PSD4: variants seen among roughly 807,000 people sequenced by gnomAD.
PSD4 encodes PH and SEC7 domain-containing protein 4.
PSD4 carries 59 observed loss-of-function variants against 112.5 expected under a neutral mutation model. That is an observed-to-expected ratio of 0.52 (90% CI 0.43 to 0.65). The LOEUF is 0.65. PSD4 is among the 30% of genes least tolerant of loss of function. The pLI is 0.00. For synonymous variants in PSD4, 533 were observed against 540.0 expected, an observed-to-expected ratio of 0.99 and a Z score of 0.18; for missense variants, 1,267 against 1,352.6, an observed-to-expected ratio of 0.94 and a Z score of 0.99.
rs78289635 is a variant in PSD4 at position 113,183,045 on chromosome 2, G to A, written c.589G>A (p.Gly197Arg). Residue 197 changes from glycine to arginine, a missense_variant, in exon 2 of 17, where the codon GGG (glycine) becomes AGG (arginine). Transcript: ENST00000245796. Reference protein sequence around the residue: ...CLPTPPVDLPGDTGLHSSPPE... With the variant: ...CLPTPPVDLPRDTGLHSSPPE... ...CCCCACGCCCCCTGTGGACCTCCCC[G>A]GGGACACGGGCCTGCACTCCAGCCC... 1.0e-4 allele frequency: 167 copies of A among 1,613,378 alleles called. 3 individuals are homozygous for A. In the East Asian group the frequency reaches 2.1e-3, roughly 20 times the overall value.
intron 16 of PSD4, 133 bp from the exon 17 acceptor site, chr2:113,201,021 CGGTT>C: frequency 9.0e-7 from 1 of 1,105,100 alleles, no homozygotes; most frequent in South Asian, 1.5e-5. Context: ...CTGACACTCA[CGGTT>C]GGTCCAGCCC....
At chr2:113,199,058 G>T in intron 15 of PSD4, 25 bp from the exon 16 acceptor site, 1 of 1,518,758 alleles carries the variant, frequency 6.6e-7, no homozygotes, top group Non-Finnish European at 8.8e-7. Flanking sequence ...CCGGGACAGC[G>T]CCCCTCACCG....
intron 6 of PSD4, 68 bp from the exon 7 acceptor site, chr2:113,192,980 G>A: frequency 2.7e-6 from 4 of 1,491,242 alleles, no homozygotes; most frequent in Non-Finnish European, 3.7e-6. Flanking sequence ...GGCCCTGGGG[G>A]CCCCAGTGCA....
chr2:113,193,949 G>A lies in PSD4; in HGVS notation c.2181+1G>A. The A allele has an allele frequency of 6.2e-7, 1 of 1,614,050 alleles. No homozygotes were observed. Among genetic ancestry groups the A allele is most frequent in the Non-Finnish European group, 8.5e-7 (1 of 1,179,928 alleles). On this transcript the variant is annotated splice_donor_variant, in intron 10 of 16. Transcript: ENST00000245796. LOFTEE classifies it high-confidence loss of function. ...GAACTTCCCCAAGGAGCTGCTGAAG[G>A]TATGTGCCACGGGGTCTTCTTATGA... is the stretch of plus-strand genomic sequence containing the variant.
intron 10 of PSD4, 103 bp from the exon 11 acceptor site, chr2:113,195,624 A>T: frequency 8.2e-7 from 1 of 1,224,290 alleles, no homozygotes; most frequent in Non-Finnish European, 1.2e-6. Context: ...TGGGTGGAGG[A>T]GGCAGGCTGT....
intron 10 of PSD4, 115 bp downstream of exon 10, chr2:113,194,063 C>G: frequency 1.0e-6 from 1 of 967,564 alleles, no homozygotes; most frequent in Non-Finnish European, 1.5e-6. Context: ...CTTGAGAGAA[C>G]AGGACTTGTT....
intron 1 of PSD4, among the ~76,000 whole-genome samples, chr2:113,175,702 CAG>C (rs1199905018): frequency 6.6e-6 from 1 of 152,176 alleles, no homozygotes; most frequent in Non-Finnish European, 1.5e-5. Flanking sequence ...AAAAGGGAAA[CAG>C]AGACAGGCAC....
Position 113,201,191 on chromosome 2 carries a change from G to T in PSD4, c.2947G>T (p.Val983Leu). 6.2e-7 allele frequency: 1 copy of T among 1,613,366 alleles called. No homozygotes were observed. Among genetic ancestry groups the T allele is most frequent in the Non-Finnish European group, 8.5e-7 (1 of 1,179,454 alleles). ...CTACGAGACCTACGTGCAGCTGCTG[G>T]TGGCCCGCCTGCACTGCCCCTCTGA... ...TRYETYVQLL[V>L]ARLHCPSDAL... is the part of the protein sequence containing the mutation. Residue 983 changes from valine to leucine, a missense_variant, in exon 17 of 17, where the codon GTG becomes TTG. Val to Leu is a conservative substitution (Grantham distance 32). This residue lies in a region of PSD4 where 544 missense variants were observed against 648.6 expected (regional missense o/e 0.84). Transcript: ENST00000245796.
Position 113,209,377 on chromosome 2 carries a change from A to G in PSD4, c.*7962A>G, listed in dbSNP as rs1688909696. ...GGAATATATTAATATTTAAAATAAA[A>G]TAAACAAAATGTCAGTGTGTGTGTG... On this transcript the variant is annotated 3_prime_UTR_variant, in exon 17 of 17. Coordinates refer to ENST00000245796, the MANE Select transcript of PSD4 (RefSeq NM_012455.3). 6.6e-6 allele frequency: 1 copy of G among 152,252 alleles called. No individual in the cohort carries two copies. The highest frequency in any genetic ancestry group is 1.5e-5 in the Non-Finnish European group (1 of 68,048). The allele number at this position is 152,252 out of a possible 1,614,324, so 9.4% of individuals were successfully genotyped here.
chr2:113,182,852 A>C lies in PSD4; in HGVS notation c.396A>C (p.Pro132=). The C allele has an allele frequency of 6.2e-7, 1 of 1,613,982 alleles. No individual in the cohort carries two copies. The highest frequency in any genetic ancestry group is 8.5e-7 in the Non-Finnish European group (1 of 1,179,886). The part of the protein sequence containing the change: ...QREHRQNTAS[P]GSPVNSHLPG... ...AGCACAGGCAGAACACAGCATCACC[A>C]GGGTCACCAGTGAACAGCCATCTAC... The change falls in exon 2 of 17, where the codon CCA becomes CCC. Residue 132 remains proline (P), a synonymous_variant. Coordinates refer to ENST00000245796, the MANE Select transcript of PSD4 (RefSeq NM_012455.3).
chr2:113,197,905 C>G lies in PSD4; in HGVS notation c.2616C>G (p.Phe872Leu), dbSNP rs1316192921. 1 of 1,582,392 alleles carries G rather than the reference C, an allele frequency of 6.3e-7. No individual in the cohort carries two copies. Among genetic ancestry groups the G allele is most frequent in the South Asian group, 1.1e-5 (1 of 87,926 alleles). ...LRTADWRLYL[F>L]QAPTAKEMSS... The stretch of plus-strand genomic sequence containing the variant: ...CGGCTGACTGGCGCCTCTACCTCTT[C>G]CAGGCACCGTAAGTCCCTGGGGTGG... Residue 872 changes from phenylalanine to leucine, a missense_variant, in exon 14 of 17, where the codon TTC becomes TTG. Phe to Leu is a conservative substitution (Grantham distance 22). Coordinates refer to ENST00000245796, the MANE Select transcript of PSD4 (RefSeq NM_012455.3).
At chr2:113,196,843 A>G (rs2104507706) in intron 12 of PSD4, among the ~76,000 whole-genome samples, 1 of 152,262 alleles carries the variant, frequency 6.6e-6, no homozygotes, top group African/African-American at 2.4e-5. Context: ...GGTACACTTG[A>G]GGCAAAATTG....
At chr2:113,181,945 C>G (rs562506737) in intron 1 of PSD4, among the ~76,000 whole-genome samples, 1 of 152,332 alleles carries the variant, frequency 6.6e-6, no homozygotes, top group African/African-American at 2.4e-5. Context: ...CTTTGGTTTA[C>G]ATGTCCTTTG....
chr2:113,191,281 CTTTTT>C (rs45558837), intron 5 of PSD4, among the ~76,000 whole-genome samples: 11 of 152,028 alleles, frequency 7.2e-5, no homozygotes, highest in Non-Finnish European at 1.6e-4. Flanking sequence ...GGATTGTTTT[CTTTTT>C]TTTCTTTTAG....
At position 113,180,595 on chromosome 2, in the gene PSD4, G is replaced by A. The variant is rs140396059; in HGVS notation, c.-111-1751G>A. On this transcript the variant is annotated intron_variant, in intron 1 of 16. Coordinates refer to ENST00000245796, the MANE Select transcript of PSD4 (RefSeq NM_012455.3). ...ACCGGAAGGTGGATGGTCTGGGGTC[G>A]GAGTCCGGCCCCTGTCACCAGCTGT... 1.5e-3 allele frequency among the ~76,000 whole-genome samples: 231 copies of A among 152,234 alleles called. No homozygotes were observed. In the East Asian group the frequency reaches 0.017, roughly 11 times the overall value.
chr2:113,192,681 C>G (rs958259243), intron 6 of PSD4, 92 bp downstream of exon 6: 2 of 1,317,884 alleles, frequency 1.5e-6, no homozygotes, highest in African/African-American at 2.9e-5. Flanking sequence ...CCTCCCCTTC[C>G]CGTCCCTGCC....
Position 113,183,233 on chromosome 2 carries a change from CAG to C in PSD4, c.778_779del (p.Ser260CysfsTer22). The C allele has an allele frequency of 6.2e-7, 1 of 1,614,224 alleles. No homozygotes were observed. Among genetic ancestry groups the C allele is most frequent in the Non-Finnish European group, 8.5e-7 (1 of 1,180,030 alleles). On this transcript the variant is annotated frameshift_variant, in exon 2 of 17. Transcript: ENST00000245796. LOFTEE classifies it high-confidence loss of function. ...TCCTGGCGAGTCCTTGCTCAGAGAACAGTGCTTCTGGAGAGTGCTTTTCCTGG... is the reference window on the plus strand; with the variant it reads ...TCCTGGCGAGTCCTTGCTCAGAGAACTGCTTCTGGAGAGTGCTTTTCCTGG... ...LFLASPCSEN[S>X]ASGECFSWGA...
chr2:113,199,233 G>A lies in PSD4; in HGVS notation c.2913+7G>A, dbSNP rs1688706852. On this transcript the variant is annotated splice_region_variant and intron_variant, in intron 16 of 16. Transcript: ENST00000245796. ...GGAGTACCTGGAGTACGAGGTGAGCGGCCGAGCCCACCTCCCCGCCGCTGC... is the reference window on the plus strand; with the variant it reads ...GGAGTACCTGGAGTACGAGGTGAGCAGCCGAGCCCACCTCCCCGCCGCTGC... The A allele has an allele frequency of 8.1e-6, 12 of 1,474,410 alleles. No individual in the cohort carries two copies. Among genetic ancestry groups the A allele is most frequent in the Non-Finnish European group, 9.8e-6 (11 of 1,118,360 alleles). The allele number at this position is 1,474,410 out of a possible 1,614,324, so 91.3% of individuals were successfully genotyped here.
chr2:113,185,618 A>G (rs753570223), intron 4 of PSD4, 178 bp downstream of exon 4: 1 of 1,549,312 alleles, frequency 6.5e-7, no homozygotes, highest in South Asian at 1.2e-5. Context: ...AAGGAAACGT[A>G]CAAAAGGACC....
Sources: allele counts gnomAD v4.1 joint callset (sites outside exome capture counted in the v4.1 genomes callset), GRCh38; gene constraint gnomAD v4.1.1; regional missense constraint gnomAD v4.1.1; transcripts MANE v1.5; gene names NCBI Gene and HGNC (gene_info 2026-07-23, HGNC 2026-07-21).